COL22A1: variants seen among roughly 807,000 people sequenced by gnomAD.
COL22A1 encodes the protein collagen alpha-1(XXII) chain.
A neutral mutation model predicts 248.9 loss-of-function variants in COL22A1; 221 were observed. That is an observed-to-expected ratio of 0.89 (90% CI 0.80 to 0.99). COL22A1 has a LOEUF of 0.99. COL22A1 is among the 50% of genes least tolerant of loss of function. The probability of loss-of-function intolerance (pLI) is 0.00; values close to 1 mark genes in which losing one functional copy is unlikely to be tolerated. For missense variants in COL22A1, 2,240 were observed against 2,179.0 expected (o/e 1.03, Z -0.56); for synonymous variants, 891 against 793.4 (o/e 1.12, Z -2.07).
In COL22A1 at chr8:138,589,183, C is replaced by G; in HGVS notation, c.*70G>C. The G allele has an allele frequency of 6.9e-7, 1 of 1,457,190 alleles. No individual in the cohort carries two copies. The highest frequency in any genetic ancestry group is 1.9e-5 in the Admixed American group (1 of 51,542). 90.3% of individuals were successfully genotyped at this position (1,457,190 alleles called of 1,614,324 possible). On this transcript the variant is annotated 3_prime_UTR_variant, in exon 65 of 65. Coordinates refer to ENST00000303045, the MANE Select transcript of COL22A1 (RefSeq NM_152888.3). ...ACATGGCTGAAGTCTTTCAAGACCT[C>G]TGGCTTCCCACTGGGCTCTGAGTTC... is the stretch of plus-strand genomic sequence containing the variant.
chr8:138,779,903 C>T (rs1221091058), intron 13 of COL22A1, among the ~76,000 whole-genome samples: 2 of 152,158 alleles, frequency 1.3e-5, no homozygotes, highest in Non-Finnish European at 2.9e-5. Context: ...GTAGCCTGGA[C>T]TACAGGCACG....
At position 138,606,392 on chromosome 8, in the gene COL22A1, G is replaced by A. The variant is rs768909983; in HGVS notation, c.4093C>T (p.Arg1365Cys). The change falls in exon 58 of 65, where the codon CGT (arginine) becomes TGT (cysteine). Residue 1365 changes from arginine to cysteine, a missense_variant. Physicochemically the swap from Arg to Cys is radical, Grantham distance 180 (BLOSUM62 -3). Transcript: ENST00000303045. ...SPGLPGFLGPRGPPGEPGEKG... is the reference protein window; with the variant it reads ...SPGLPGFLGPCGPPGEPGEKG... ...GGTTCTCTGCTTACCGGAGGCCCAC[G>A]GGGACCCAGGAAGCCAGGAAGTCCT... is the stretch of plus-strand genomic sequence containing the variant. 8 of 1,612,794 alleles carry A rather than the reference G, an allele frequency of 5.0e-6. No homozygotes were observed. Among genetic ancestry groups the A allele is most frequent in the Middle Eastern group, 1.6e-4 (1 of 6,084 alleles).
chr8:138,661,641 G>A (rs1823967745), intron 43 of COL22A1, among the ~76,000 whole-genome samples: 1 of 152,150 alleles, frequency 6.6e-6, no homozygotes, highest in African/African-American at 2.4e-5. Context: ...ACATACATCT[G>A]CGGAATTCCA....
At chr8:138,710,889 T>C (rs1047928953) in intron 30 of COL22A1, among the ~76,000 whole-genome samples, 1 of 152,160 alleles carries the variant, frequency 6.6e-6, no homozygotes, top group Non-Finnish European at 1.5e-5. Flanking sequence ...CAATTTACTC[T>C]CCATTAAAAT....
At chr8:138,840,207 C>T (rs1465641046) in intron 4 of COL22A1, among the ~76,000 whole-genome samples, 1 of 152,168 alleles carries the variant, frequency 6.6e-6, no homozygotes, top group Non-Finnish European at 1.5e-5. Flanking sequence ...TCCACAACTC[C>T]CTCTTCAGCC....
chr8:138,807,706 T>C (rs58366541), intron 10 of COL22A1, 62 bp downstream of exon 10: 398,429 of 1,501,640 alleles, frequency 0.27, 54,345 homozygotes, highest in South Asian at 0.33. Flanking sequence ...TTGTCTTATA[T>C]AGACAGCAAA....
intron 10 of COL22A1, among the ~76,000 whole-genome samples, chr8:138,805,283 G>GGT (rs556919675): frequency 0.34 from 48,896 of 144,112 alleles, 9,235 homozygotes; most frequent in African/African-American, 0.53. Context: ...TGTGTGTGAT[G>GGT]GTGTGTGTGG....
In COL22A1 at chr8:138,607,923, A is replaced by C. The variant is rs769882003; in HGVS notation, c.4032+13T>G. ...ACCCTGATGCCATCACATAGCAGCC[A>C]AAGAGAACTCACAGGGGTTCCTGAA... On this transcript the variant is annotated intron_variant, in intron 57 of 64. Transcript: ENST00000303045. 6.2e-7 allele frequency: 1 copy of C among 1,613,766 alleles called. No homozygotes were observed. The highest frequency in any genetic ancestry group is 1.1e-5 in the South Asian group (1 of 91,022).
intron 7 of COL22A1, among the ~76,000 whole-genome samples, chr8:138,813,673 C>T (rs755044278): frequency 6.7e-6 from 1 of 150,092 alleles, no homozygotes; most frequent in Admixed American, 6.6e-5. Context: ...CTTCAGGACA[C>T]GTTAAAGTCC....
At chr8:138,771,618 C>T (rs367868574) in intron 16 of COL22A1, among the ~76,000 whole-genome samples, 23 of 152,066 alleles carry the variant, frequency 1.5e-4, no homozygotes, top group East Asian at 5.8e-4. Context: ...TGCTTCCAAA[C>T]GGTGTTTTGG....
Position 138,898,998 on chromosome 8 carries a change from G to A in COL22A1, c.-73+14621C>T, listed in dbSNP as rs187409594. Reference sequence around the variant, plus strand: ...TTTTTTCTTACTGCTTTCTTCACCCGGCTCTAGGTACAGCTTCAGCCACAT... The same window carrying A: ...TTTTTTCTTACTGCTTTCTTCACCCAGCTCTAGGTACAGCTTCAGCCACAT... On this transcript the variant is annotated intron_variant, in intron 1 of 64. Transcript: ENST00000303045. 1.8e-4 allele frequency among the ~76,000 whole-genome samples: 27 copies of A among 152,198 alleles called. No individual in the cohort carries two copies. In the East Asian group the frequency reaches 1.9e-3, roughly 11 times the overall value.
At chr8:138,766,348 T>C (rs1472813861) in intron 16 of COL22A1, among the ~76,000 whole-genome samples, 1 of 151,638 alleles carries the variant, frequency 6.6e-6, no homozygotes, top group East Asian at 1.9e-4. Flanking sequence ...GAGGTGGACA[T>C]GGCTGCGGGC....
chr8:138,616,385 T>C lies in COL22A1; in HGVS notation c.3871-331A>G, dbSNP rs1819324394. Among the ~76,000 whole-genome samples the C allele has an allele frequency of 2.0e-5, 3 of 152,200 alleles. No individual in the cohort carries two copies. In the South Asian group the frequency reaches 6.2e-4, roughly 32 times the overall value. On this transcript the variant is annotated intron_variant, in intron 54 of 64. Transcript: ENST00000303045. ...CACTTGACCCTCTCTACACCTGTGC[T>C]TGCTCCTTGGTATCTAGATCATGCA...
At chr8:138,871,931 G>A (rs4736259) in intron 3 of COL22A1, among the ~76,000 whole-genome samples, 2 of 152,140 alleles carry the variant, frequency 1.3e-5, no homozygotes, top group Admixed American at 1.3e-4. Flanking sequence ...AGGCAAAGGA[G>A]AGCCCCTCCA....
intron 31 of COL22A1, 88 bp from the exon 32 acceptor site, chr8:138,700,232 G>T: frequency 7.8e-7 from 1 of 1,274,754 alleles, no homozygotes; most frequent in Non-Finnish European, 1.1e-6. Flanking sequence ...AGATTTACAA[G>T]TGAAAGAATA....
At chr8:138,882,614 A>C (rs1586957506) in intron 2 of COL22A1, among the ~76,000 whole-genome samples, 1 of 129,852 alleles carries the variant, frequency 7.7e-6, no homozygotes, top group Non-Finnish European at 1.6e-5. Context: ...TCACACTCCC[A>C]CACACTCTTC....
intron 58 of COL22A1, 111 bp downstream of exon 58, chr8:138,606,270 T>C (rs1818409368): frequency 2.0e-6 from 2 of 995,222 alleles, no homozygotes; most frequent in Non-Finnish European, 3.0e-6. Context: ...CAGGTCATCA[T>C]GGCCTGAGCA....
intron 47 of COL22A1, 62 bp from the exon 48 acceptor site, chr8:138,636,857 C>A (rs1343038207): frequency 1.6e-6 from 2 of 1,266,488 alleles, no homozygotes; most frequent in South Asian, 1.2e-5. Context: ...AAACAAAAAT[C>A]ATTTTCATGC....
At chr8:138,856,223 T>C (rs1386567316) in intron 3 of COL22A1, among the ~76,000 whole-genome samples, 1 of 152,236 alleles carries the variant, frequency 6.6e-6, no homozygotes, top group Non-Finnish European at 1.5e-5. Flanking sequence ...GCCGCATTGC[T>C]GCACCTGTGT....
Sources: allele counts gnomAD v4.1 joint callset (sites outside exome capture counted in the v4.1 genomes callset), GRCh38; gene constraint gnomAD v4.1.1; transcripts MANE v1.5; gene names NCBI Gene and HGNC (gene_info 2026-07-23, HGNC 2026-07-21).